Variants in DOCK8 observed in about 807,000 individuals in gnomAD.
DOCK8 encodes the protein dedicator of cytokinesis protein 8.
In DOCK8, 141 loss-of-function variants were observed where a neutral mutation model predicts 245.6. The observed-to-expected ratio is 0.57, with a 90% CI of 0.50 to 0.66. The LOEUF is 0.66. DOCK8 is among the 30% of genes least tolerant of loss of function. The probability of loss-of-function intolerance (pLI) is 0.00; values close to 1 mark genes in which losing one functional copy is unlikely to be tolerated. For missense variants in DOCK8, 2,965 were observed against 2,603.4 expected, an observed-to-expected ratio of 1.14 and a Z score of -3.02; for synonymous variants, 1,168 against 970.2, an observed-to-expected ratio of 1.20 and a Z score of -3.79.
chr9:267,981 A>T (rs537739362), intron 1 of DOCK8: 11 of 152,356 alleles, frequency 7.2e-5, no homozygotes, highest in Admixed American at 7.2e-4. Context: ...TGCATATTAC[A>T]GTATTACTTT....
Position 407,040 on chromosome 9 carries a change from G to A in DOCK8, c.3501G>A (p.Leu1167=), listed in dbSNP as rs763447683. 14 of 1,613,992 alleles carry A rather than the reference G, an allele frequency of 8.7e-6. No individual in the cohort carries two copies. Among genetic ancestry groups the A allele is most frequent in the Non-Finnish European group, 1.2e-5 (14 of 1,180,028 alleles). ...TCACCGGGCTCCTCTTCACAGAACT[G>A]GCTGCTGCCCTGGATGCCGAAGGGG... is the stretch of plus-strand genomic sequence containing the variant. ...HFLTGLLFTE[L]AAALDAEGEG... The change falls in exon 28 of 48, where the codon CTG becomes CTA. Residue 1167 remains leucine, a synonymous_variant. Coordinates refer to ENST00000432829, the MANE Select transcript of DOCK8 (RefSeq NM_203447.4).
At chr9:271,541 A>T (rs1587698027) in intron 1 of DOCK8, 86 bp from the exon 2 acceptor site, 1 of 1,094,322 alleles carries the variant, frequency 9.1e-7, no homozygotes, top group East Asian at 2.6e-5. Flanking sequence ...CCTACGTTTT[A>T]TAACATGATA....
chr9:221,277 A>G (rs1490387762), intron 1 of DOCK8, among the ~76,000 whole-genome samples: 3 of 152,148 alleles, frequency 2.0e-5, no homozygotes, highest in African/African-American at 4.8e-5. Context: ...CCAGCTGTCT[A>G]TTCTCATGTT....
At chr9:449,562 A>G (rs1337115308) in intron 44 of DOCK8, among the ~76,000 whole-genome samples, 1 of 152,184 alleles carries the variant, frequency 6.6e-6, no homozygotes, top group Non-Finnish European at 1.5e-5. Flanking sequence ...GGTTGTTGAG[A>G]GGAATAAATG....
chr9:332,418 G>C lies in DOCK8; in HGVS notation c.1065G>C (p.Gln355His). Residue 355 changes from glutamine to histidine, a missense_variant, in exon 10 of 48, where the codon CAG becomes CAC. By Grantham distance (24) the Gln-to-His change is conservative. This residue lies in a region of DOCK8 where 2,825 missense variants were observed against 2,453.5 expected (regional missense o/e 1.15). Coordinates refer to ENST00000432829, the MANE Select transcript of DOCK8 (RefSeq NM_203447.4). ...LVVKIEKVLQQGEIGDCAEPY... is the reference protein window; with the variant it reads ...LVVKIEKVLQHGEIGDCAEPY... ...GGTAGATTGAAAAAGTCCTGCAGCA[G>C]GGAGAGATTGGAGACTGTGCAGAGC... 6.2e-7 allele frequency: 1 copy of C among 1,612,778 alleles called. No individual in the cohort carries two copies.
At chr9:214,432 A>G, upstream of DOCK8, 2 of 1,451,742 alleles carry the variant, frequency 1.4e-6, no homozygotes, top group South Asian at 1.2e-5. Context: ...GAATCCTGAT[A>G]GATTCCACTA....
intron 23 of DOCK8, among the ~76,000 whole-genome samples, chr9:388,316 A>G (rs983909792): frequency 2.0e-5 from 3 of 152,200 alleles, no homozygotes; most frequent in Non-Finnish European, 4.4e-5. Context: ...GCATATTAAA[A>G]TTATTAAGGT....
upstream of DOCK8, chr9:214,568 C>T (rs745962587): frequency 1.9e-6 from 3 of 1,613,962 alleles, no homozygotes; most frequent in African/African-American, 2.7e-5. Context: ...CCCGACTTGC[C>T]TACATTCCCT....
rs2057001383 is a variant in DOCK8 at position 439,113 on chromosome 9, A to G, written c.5080-132A>G. ...AGACAGATACTCTCGGGGTAGAATT[A>G]CAGACCTAGTTTAGTCACGGTCTTG... On this transcript the variant is annotated intron_variant, in intron 39 of 47. Coordinates refer to ENST00000432829, the MANE Select transcript of DOCK8 (RefSeq NM_203447.4). 4.4e-6 allele frequency: 5 copies of G among 1,145,316 alleles called. No individual in the cohort carries two copies. In the East Asian group the frequency reaches 1.2e-4, roughly 27 times the overall value. 70.9% of individuals were successfully genotyped at this position (1,145,316 alleles called of 1,614,324 possible).
At chr9:214,492 C>G (rs186595330), upstream of DOCK8, 57 of 1,609,900 alleles carry the variant, frequency 3.5e-5, no homozygotes, top group African/African-American at 6.7e-4. Context: ...GGTGTCAACC[C>G]TTAATAACAC....
At chr9:366,901 G>C (rs2053028369) in intron 14 of DOCK8, among the ~76,000 whole-genome samples, 1 of 152,172 alleles carries the variant, frequency 6.6e-6, no homozygotes, top group South Asian at 2.1e-4. Flanking sequence ...TGTCAGGATA[G>C]CACAGTATGG....
In DOCK8 at chr9:464,270, G is replaced by C; in HGVS notation, c.*51G>C. ...CTGTGGCCCTGCAACCCTGGAGAAGGACTTGCTGGTACTTAAAAAATGGGA... is the reference window on the plus strand; with the variant it reads ...CTGTGGCCCTGCAACCCTGGAGAAGCACTTGCTGGTACTTAAAAAATGGGA... On this transcript the variant is annotated 3_prime_UTR_variant, in exon 48 of 48. Coordinates refer to ENST00000432829, the MANE Select transcript of DOCK8 (RefSeq NM_203447.4). 6.6e-7 allele frequency: 1 copy of C among 1,508,990 alleles called. No homozygotes were observed. The highest frequency in any genetic ancestry group is 1.1e-5 in the South Asian group (1 of 88,962). The allele number at this position is 1,508,990 out of a possible 1,614,324, so 93.5% of individuals were successfully genotyped here. A position where few individuals can be genotyped will look rare whatever the true frequency, so the allele number is the denominator to read the frequency against.
At chr9:408,186 A>G (rs2055529383) in intron 28 of DOCK8, among the ~76,000 whole-genome samples, 1 of 152,222 alleles carries the variant, frequency 6.6e-6, no homozygotes, top group South Asian at 2.1e-4. Context: ...AAGTTCTCTC[A>G]AAGTGCTTAC....
chr9:235,878 C>T (rs1396731239), intron 1 of DOCK8, among the ~76,000 whole-genome samples: 4 of 152,184 alleles, frequency 2.6e-5, no homozygotes, highest in African/African-American at 7.2e-5. Context: ...TGCCCTGCTT[C>T]GGCTCACGCA....
intron 14 of DOCK8, chr9:365,652 G>A (rs933746737): frequency 8.8e-6 from 4 of 454,162 alleles, no homozygotes; most frequent in East Asian, 7.0e-5. Flanking sequence ...TGAGGTCGAT[G>A]CAATTATGCT....
At chr9:304,904 C>T (rs1303152382) in intron 5 of DOCK8, among the ~76,000 whole-genome samples, 200 bp downstream of exon 5, 4 of 151,198 alleles carry the variant, frequency 2.6e-5, no homozygotes, top group Non-Finnish European at 5.9e-5. Flanking sequence ...ACCCAGAAAC[C>T]CAATGATTAA....
At chr9:320,003 T>G (rs922129202) in intron 7 of DOCK8, among the ~76,000 whole-genome samples, 4 of 152,262 alleles carry the variant, frequency 2.6e-5, no homozygotes, top group Non-Finnish European at 5.9e-5. Flanking sequence ...AGATTCTGGT[T>G]GAGTAGGTCT....
chr9:389,668 A>G (rs1025058783), intron 23 of DOCK8, among the ~76,000 whole-genome samples: 3 of 152,078 alleles, frequency 2.0e-5, no homozygotes, highest in South Asian at 2.1e-4. Context: ...TTGAATCAGA[A>G]TATCTGGGGG....
At chr9:391,821 C>CTTTTTTTTTTTTTTT (rs373810616) in intron 24 of DOCK8, among the ~76,000 whole-genome samples, 12 of 116,306 alleles carry the variant, frequency 1.0e-4, no homozygotes, top group Non-Finnish European at 9.1e-5. Context: ...TTAAGTGAAT[C>CTTTTTTTTTTTTTTT]TTTTTTTTTT....
Sources: gnomAD v4.1 joint callset for allele counts (sites outside exome capture counted in the v4.1 genomes callset) on GRCh38, gnomAD v4.1.1 for gene constraint, gnomAD v4.1.1 regional missense constraint, MANE v1.5 for transcripts, NCBI Gene and HGNC (gene_info 2026-07-23, HGNC 2026-07-21) for gene names.